ADCK1: variants seen among roughly 807,000 people sequenced by gnomAD.
ADCK1 encodes the protein aarF domain containing kinase 1, also known as aarF domain-containing protein kinase 1.
ADCK1 carries 41 observed loss-of-function variants against 52.3 expected under a neutral mutation model. The ratio of observed to expected loss-of-function variants is 0.78; its 90% CI spans 0.61 to 1.02. The LOEUF is 1.02. Among genes scored for constraint, ADCK1 ranks in the 50% least tolerant of loss-of-function variants. The probability of loss-of-function intolerance (pLI) is 0.00; values close to 1 mark genes in which losing one functional copy is unlikely to be tolerated. For synonymous variants in ADCK1, 250 were observed against 274.6 expected (o/e 0.91, Z 0.89); for missense variants, 658 against 679.5 (o/e 0.97, Z 0.35).
chr14:77,864,340 A>G (rs559250319), intron 4 of ADCK1, among the ~76,000 whole-genome samples: 4 of 152,358 alleles, frequency 2.6e-5, no homozygotes, highest in African/African-American at 9.6e-5. Flanking sequence ...CCTTTCCTCC[A>G]AGAATATAAA....
At chr14:77,892,652 A>AAAG (rs1566708514) in intron 5 of ADCK1, among the ~76,000 whole-genome samples, 3 of 151,756 alleles carry the variant, frequency 2.0e-5, no homozygotes, top group Admixed American at 6.6e-5. Flanking sequence ...AAAAAAAAAA[A>AAAG]AGAGATCCCT....
intron 7 of ADCK1, among the ~76,000 whole-genome samples, chr14:77,918,245 C>T (rs1035006807): frequency 6.6e-6 from 1 of 152,182 alleles, no homozygotes; most frequent in Admixed American, 6.5e-5. Context: ...CAAGACAGTT[C>T]AGTGGCAGCA....
At chr14:77,852,877 A>ATGTG (rs1168050681) in intron 3 of ADCK1, among the ~76,000 whole-genome samples, 4 of 42,182 alleles carry the variant, frequency 9.5e-5, no homozygotes, top group Admixed American at 3.4e-4. Context: ...CTAATCTTTT[A>ATGTG]TGTGTGTATA....
chr14:77,812,567 C>T (rs4903647), intron 1 of ADCK1, among the ~76,000 whole-genome samples: 75,022 of 151,782 alleles, frequency 0.49, 19,803 homozygotes, highest in Middle Eastern at 0.63. Flanking sequence ...GTTGTTTCTA[C>T]ATCTTGGCTA....
intron 3 of ADCK1, among the ~76,000 whole-genome samples, chr14:77,847,829 ATCCCCCTGTGTGTTCATGAAT>A (rs2140106216): frequency 6.6e-6 from 1 of 152,212 alleles, no homozygotes; most frequent in African/African-American, 2.4e-5. Flanking sequence ...GGCCTTCCAG[ATCCCCCTGTGTGTTCATGAAT>A]TTGTTCCCAA....
At chr14:77,933,151 TA>T (rs1276654629) in intron 10 of ADCK1, 68 bp from the exon 11 acceptor site, 20 of 1,523,186 alleles carry the variant, frequency 1.3e-5, no homozygotes, top group Non-Finnish European at 1.8e-5. Flanking sequence ...TTAGTTTTTC[TA>T]AATGATACAG....
intron 4 of ADCK1, among the ~76,000 whole-genome samples, chr14:77,871,074 G>A (rs1002992247): frequency 1.3e-5 from 2 of 152,246 alleles, no homozygotes; most frequent in Non-Finnish European, 2.9e-5. Flanking sequence ...ATGGCCAAAT[G>A]AGTGAGGAAT....
intron 4 of ADCK1, among the ~76,000 whole-genome samples, chr14:77,861,948 G>A (rs1054125877): frequency 2.6e-5 from 4 of 152,222 alleles, no homozygotes; most frequent in Admixed American, 2.6e-4. Context: ...GGCACTCGAA[G>A]GGGCACTCTC....
intron 1 of ADCK1, among the ~76,000 whole-genome samples, chr14:77,805,613 T>C (rs551318243): frequency 3.9e-5 from 6 of 152,220 alleles, no homozygotes; most frequent in African/African-American, 1.2e-4. Flanking sequence ...CAACCTCTGT[T>C]CTAGACAGAG....
chr14:77,838,021 G>A (rs189808392), intron 3 of ADCK1, among the ~76,000 whole-genome samples: 209 of 152,338 alleles, frequency 1.4e-3, no homozygotes, highest in East Asian at 8.9e-3. Context: ...CTCCGCAGCC[G>A]TAAGGGTGAT....
chr14:77,817,269 G>A (rs2081475954), intron 1 of ADCK1, among the ~76,000 whole-genome samples: 1 of 152,170 alleles, frequency 6.6e-6, no homozygotes, highest in Non-Finnish European at 1.5e-5. Context: ...AGATAAGCTT[G>A]TTTGTAATAA....
At chr14:77,802,104 C>T (rs1359675447) in intron 1 of ADCK1, among the ~76,000 whole-genome samples, 8 of 152,030 alleles carry the variant, frequency 5.3e-5, no homozygotes, top group African/African-American at 9.7e-5. Flanking sequence ...TTGGTGGGAG[C>T]AGTCATACAT....
intron 4 of ADCK1, among the ~76,000 whole-genome samples, chr14:77,878,270 A>G (rs2082942292): frequency 6.6e-6 from 1 of 152,258 alleles, no homozygotes; most frequent in Non-Finnish European, 1.5e-5. Context: ...TGAGTGATCC[A>G]TAGCGAATAT....
At chr14:77,872,616 G>A (rs1025510883) in intron 4 of ADCK1, among the ~76,000 whole-genome samples, 10 of 151,890 alleles carry the variant, frequency 6.6e-5, no homozygotes, top group Non-Finnish European at 8.8e-5. Context: ...TTGCTCTCCC[G>A]CCTGCTTCCT....
At chr14:77,899,866 T>C (rs1239187097) in intron 6 of ADCK1, among the ~76,000 whole-genome samples, 1 of 152,086 alleles carries the variant, frequency 6.6e-6, no homozygotes. Flanking sequence ...GGTCAGGAGT[T>C]CGAGACCAGC....
intron 7 of ADCK1, among the ~76,000 whole-genome samples, chr14:77,921,914 A>G (rs1412736288): frequency 2.6e-5 from 4 of 152,116 alleles, no homozygotes; most frequent in Admixed American, 1.3e-4. Flanking sequence ...GAGATCATAC[A>G]TCTCCCCATG....
intron 1 of ADCK1, among the ~76,000 whole-genome samples, chr14:77,804,938 G>A (rs370616108): frequency 1.2e-4 from 19 of 152,266 alleles, no homozygotes; most frequent in East Asian, 1.2e-3. Flanking sequence ...TGGGCACGGT[G>A]GCTCACGCTT....
intron 6 of ADCK1, among the ~76,000 whole-genome samples, chr14:77,900,027 G>A (rs1044590090): frequency 1.4e-5 from 2 of 146,024 alleles, no homozygotes; most frequent in African/African-American, 5.2e-5. Flanking sequence ...CTGAGATCAC[G>A]CCACTGCATT....
chr14:77,856,996 A>G (rs973050735), intron 3 of ADCK1, among the ~76,000 whole-genome samples: 2 of 152,002 alleles, frequency 1.3e-5, no homozygotes, highest in African/African-American at 4.8e-5. Flanking sequence ...CAAAAAAAAA[A>G]AAGTCTAGCA....
Sources: gnomAD v4.1 joint callset for allele counts (sites outside exome capture counted in the v4.1 genomes callset) on GRCh38, gnomAD v4.1.1 for gene constraint, MANE v1.5 for transcripts, NCBI Gene and HGNC (gene_info 2026-07-23, HGNC 2026-07-21) for gene names.